Variants in VASP observed in about 807,000 individuals in gnomAD.
The protein encoded by VASP is vasodilator stimulated phosphoprotein, also known as vasodilator-stimulated phosphoprotein.
A neutral mutation model predicts 54.4 loss-of-function variants in VASP; 27 were observed. The ratio of observed to expected loss-of-function variants is 0.50; its 90% confidence interval spans 0.37 to 0.68. The LOEUF (loss-of-function observed/expected upper bound fraction) is 0.68, where lower values mean the gene tolerates loss of function less well. Ranked by LOEUF, VASP falls within the 30% of genes least tolerant of loss-of-function variation. The pLI is 0.00. For synonymous variants in VASP, 233 were observed against 209.8 expected, an observed-to-expected ratio of 1.11 and a Z score of -0.96; for missense variants, 488 against 528.3, an observed-to-expected ratio of 0.92 and a Z score of 0.75.
chr19:45,511,156 C>T (rs1040990595), intron 1 of VASP, among the ~76,000 whole-genome samples: 24 of 151,868 alleles, frequency 1.6e-4, no homozygotes, highest in Admixed American at 1.4e-3. Flanking sequence ...GAAGATTTGT[C>T]GTTTGGAAGG....
intron 4 of VASP, among the ~76,000 whole-genome samples, chr19:45,521,837 C>T (rs1376986032): frequency 2.7e-5 from 4 of 150,394 alleles, no homozygotes; most frequent in African/African-American, 7.4e-5. Context: ...TGCAGTGAGC[C>T]AAGATCGAGC....
chr19:45,518,005 C>G lies in VASP; in HGVS notation c.254C>G (p.Ala85Gly). The G allele has an allele frequency of 3.7e-6, 6 of 1,614,022 alleles. No homozygotes were observed. The highest frequency in any genetic ancestry group is 5.1e-6 in the Non-Finnish European group (6 of 1,180,002). Residue 85 changes from alanine (A) to glycine (G), a missense_variant, in exon 3 of 13, where the codon GCT becomes GGT. Coordinates refer to ENST00000245932, the MANE Select transcript of VASP (RefSeq NM_003370.4). ...CCCAACTTCCATCAGTGGCGCGACGCTCGCCAGGTCTGGGGCCTCAACTTC... is the reference window on the plus strand; with the variant it reads ...CCCAACTTCCATCAGTGGCGCGACGGTCGCCAGGTCTGGGGCCTCAACTTC... ...ATPNFHQWRD[A>G]RQVWGLNFGS...
intron 11 of VASP, 89 bp from the exon 12 acceptor site, chr19:45,525,857 A>T (rs527279143): frequency 1.4e-5 from 19 of 1,330,678 alleles, no homozygotes; most frequent in Non-Finnish European, 2.0e-5. Flanking sequence ...CAACAGAGCA[A>T]GGTTCCTTCT....
Position 45,517,851 on chromosome 19 carries a change from GC to G in VASP, c.177+22del. 1 of 1,611,218 alleles carries G rather than the reference GC, an allele frequency of 6.2e-7. No homozygotes were observed. Among genetic ancestry groups the G allele is most frequent in the Non-Finnish European group, 8.5e-7 (1 of 1,179,116 alleles). ...GACCAGCAGGTGCAGCTTCCCGCCGGCCCCCTCTGTGGGCTGAACCCCTACC... is the reference window on the plus strand; with the variant it reads ...GACCAGCAGGTGCAGCTTCCCGCCGGCCCCTCTGTGGGCTGAACCCCTACC... On this transcript the variant is annotated intron_variant, in intron 2 of 12. Transcript: ENST00000245932.
At chr19:45,509,841 C>T (rs563508933) in intron 1 of VASP, among the ~76,000 whole-genome samples, 286 of 152,338 alleles carry the variant, frequency 1.9e-3, no homozygotes, top group African/African-American at 6.1e-3. Flanking sequence ...CTCAGAAATT[C>T]CTAGGCAACG....
At chr19:45,524,395 C>T in intron 10 of VASP, 175 bp from the exon 11 acceptor site, 1 of 688,716 alleles carries the variant, frequency 1.5e-6, no homozygotes, top group Non-Finnish European at 2.4e-6. Context: ...ATGTGACTGT[C>T]TCAAAACAAA....
chr19:45,514,242 C>T (rs898914233), intron 1 of VASP, among the ~76,000 whole-genome samples: 1 of 152,030 alleles, frequency 6.6e-6, no homozygotes, highest in Admixed American at 6.6e-5. Context: ...GGAACAGAGT[C>T]CCCAAGGGAC....
rs71173173 is a variant in VASP at position 45,513,468 on chromosome 19, CTTTT to C, written c.6-4177_6-4174del. On this transcript the variant is annotated intron_variant, in intron 1 of 12. Transcript: ENST00000245932. ...CATCTTGCCCAAGCTAGTCTCTCTC[CTTTT>C]TTTTTTTTTTTTTTTTTGAGACAGA... 2.2e-4 allele frequency among the ~76,000 whole-genome samples: 20 copies of C among 92,778 alleles called. No homozygotes were observed. In the South Asian group the frequency reaches 2.8e-3, roughly 13 times the overall value. The allele number at this position is 92,778 out of a possible 152,430, so 60.9% of individuals were successfully genotyped here. A position where few individuals can be genotyped will look rare whatever the true frequency, so the allele number is the denominator to read the frequency against.
rs140959366 is a variant in VASP, at chr19:45,526,553, G to GA, written c.*385dup. 3.1e-4 allele frequency: 50 copies of GA among 159,666 alleles called. No individual in the cohort carries two copies. The highest frequency in any genetic ancestry group is 1.8e-3 in the East Asian group (10 of 5,642). The allele number at this position is 159,666 out of a possible 1,614,324, so 9.9% of individuals were successfully genotyped here. ...GCCTTCAAAGTTTTGGTTTTTTTAA[G>GA]AAAAAAAAATATATATATATTTGGG... On this transcript the variant is annotated 3_prime_UTR_variant, in exon 13 of 13. Transcript: ENST00000245932.
Position 45,526,124 on chromosome 19 carries a change from C to G in VASP, c.1106-16C>G. ...AGAGACTCTGCCCCTGACCTCTGCT[C>G]CTTGTTTCCTTCCAGCCTTCGTCCA... is the stretch of plus-strand genomic sequence containing the variant. On this transcript the variant is annotated splice_polypyrimidine_tract_variant and intron_variant, in intron 12 of 12. Transcript: ENST00000245932. 6.2e-7 allele frequency: 1 copy of G among 1,613,786 alleles called. No homozygotes were observed. Among genetic ancestry groups the G allele is most frequent in the Non-Finnish European group, 8.5e-7 (1 of 1,179,934 alleles).
chr19:45,511,579 A>G (rs925069739), intron 1 of VASP, among the ~76,000 whole-genome samples: 4 of 152,050 alleles, frequency 2.6e-5, no homozygotes, highest in Admixed American at 6.6e-5. Flanking sequence ...CTCATGTCCA[A>G]TGGAGGGTTC....
Position 45,524,645 on chromosome 19 carries a change from A to C in VASP, c.1032A>C (p.Leu344=). 4 of 1,613,776 alleles carry C rather than the reference A, an allele frequency of 2.5e-6. No individual in the cohort carries two copies. The highest frequency in any genetic ancestry group is 3.4e-6 in the Non-Finnish European group (4 of 1,179,864). ...CCAGCTCCAGTGATTACTCGGACCT[A>C]CAGAGGGTGAAACAGGTAACTTGGG... The part of the protein sequence containing the change: ...CTPSSSDYSD[L]QRVKQELLEE... Residue 344 remains leucine, a synonymous_variant, in exon 11 of 13, where the codon CTA becomes CTC. Transcript: ENST00000245932.
chr19:45,508,994 C>T (rs1968546284), intron 1 of VASP, among the ~76,000 whole-genome samples: 1 of 152,190 alleles, frequency 6.6e-6, no homozygotes, highest in African/African-American at 2.4e-5. Context: ...ATCTCCCTTC[C>T]TCTACTCTCT....
intron 3 of VASP, 74 bp from the exon 4 acceptor site, chr19:45,521,248 G>A (rs981728070): frequency 7.7e-6 from 11 of 1,424,390 alleles, no homozygotes; most frequent in Admixed American, 2.0e-5. Flanking sequence ...GGAGGCCTGG[G>A]AGAGCAAGGG....
intron 1 of VASP, among the ~76,000 whole-genome samples, chr19:45,515,328 CCT>C (rs1299544181): frequency 6.6e-6 from 1 of 152,018 alleles, no homozygotes; most frequent in African/African-American, 2.4e-5. Flanking sequence ...TTCCCCTTCC[CCT>C]GTGTGACCTT....
chr19:45,523,829 A>T lies in VASP; in HGVS notation c.874-12A>T. 6.2e-7 allele frequency: 1 copy of T among 1,613,864 alleles called. No individual in the cohort carries two copies. The highest frequency in any genetic ancestry group is 8.5e-7 in the Non-Finnish European group (1 of 1,179,942). On this transcript the variant is annotated splice_polypyrimidine_tract_variant and intron_variant, in intron 8 of 12. Coordinates refer to ENST00000245932, the MANE Select transcript of VASP (RefSeq NM_003370.4). ...GCAGGGGCTGGCTCATGGCAGTTTTATTTCCTACCAGCAGGAGGAGCCAGA... is the reference window on the plus strand; with the variant it reads ...GCAGGGGCTGGCTCATGGCAGTTTTTTTTCCTACCAGCAGGAGGAGCCAGA...
At chr19:45,514,300 C>T (rs534201765) in intron 1 of VASP, among the ~76,000 whole-genome samples, 14 of 152,174 alleles carry the variant, frequency 9.2e-5, no homozygotes, top group African/African-American at 3.4e-4. Flanking sequence ...ATCACGGAGG[C>T]CCTGGAGAGA....
intron 4 of VASP, 79 bp downstream of exon 4, chr19:45,521,485 C>A: frequency 7.8e-7 from 1 of 1,283,704 alleles, no homozygotes; most frequent in South Asian, 1.6e-5. Context: ...TCCTAGAGTT[C>A]AGAACCCAGC....
chr19:45,521,967 T>G (rs1487610999), intron 4 of VASP, among the ~76,000 whole-genome samples: 3 of 151,876 alleles, frequency 2.0e-5, no homozygotes. Flanking sequence ...CATCCTGATC[T>G]CTCCCTGTCG....
Sources: allele counts gnomAD v4.1 joint callset (sites outside exome capture counted in the v4.1 genomes callset), GRCh38; gene constraint gnomAD v4.1.1; transcripts MANE v1.5; gene names NCBI Gene and HGNC (gene_info 2026-07-23, HGNC 2026-07-21).